KIF1B: variants seen among roughly 807,000 people sequenced by gnomAD.
The protein encoded by KIF1B is kinesin family member 1B, also known as kinesin-like protein KIF1B.
KIF1B carries 76 observed loss-of-function variants against 241.9 expected under a neutral mutation model. That is an observed-to-expected ratio of 0.31 (90% CI 0.26 to 0.38). The LOEUF is 0.38. Among genes scored for constraint, KIF1B ranks in the 10% least tolerant of loss-of-function variants. KIF1B has a pLI of 1.00. For missense variants in KIF1B, 1,622 were observed against 2,271.4 expected (o/e 0.71, Z 5.81); for synonymous variants, 750 against 796.7 (o/e 0.94, Z 0.99).
chr1:10,241,220 G>A (rs777601100), intron 2 of KIF1B, among the ~76,000 whole-genome samples: 45 of 151,992 alleles, frequency 3.0e-4, no homozygotes, highest in Middle Eastern at 3.4e-3. Flanking sequence ...CAAGTGATCC[G>A]CCTACCTCAC....
chr1:10,374,480 G>A lies in KIF1B; in HGVS notation c.5096+15G>A. The stretch of plus-strand genomic sequence containing the variant: ...ATTAGACCAAGGTGAGTACTATATT[G>A]AGCAGGAATGCCAGCTATAAAAAAC... On this transcript the variant is annotated intron_variant, in intron 46 of 48. Coordinates refer to ENST00000676179, the MANE Select transcript of KIF1B (RefSeq NM_001365951.3). The surrounding 1 kb of genome is among the most constrained non-coding windows in gnomAD (Gnocchi z 4.3). 1 of 1,613,920 alleles carries A rather than the reference G, an allele frequency of 6.2e-7. No individual in the cohort carries two copies. The highest frequency in any genetic ancestry group is 8.5e-7 in the Non-Finnish European group (1 of 1,179,844).
At chr1:10,373,995 A>G (rs919065758) in intron 45 of KIF1B, among the ~76,000 whole-genome samples, 1 of 152,226 alleles carries the variant, frequency 6.6e-6, no homozygotes, top group East Asian at 1.9e-4. Context: ...CCATGGGACT[A>G]AAAAGAAACA....
chr1:10,283,913 G>T (rs1040777597), intron 15 of KIF1B, among the ~76,000 whole-genome samples: 1 of 152,210 alleles, frequency 6.6e-6, no homozygotes, highest in Non-Finnish European at 1.5e-5. Flanking sequence ...AAGGCTTGCC[G>T]AAAAACTCTT....
rs955693879 is a variant in KIF1B at position 10,210,570 on chromosome 1, A to G, written c.-388A>G. ...AGTTTCGCGAGGGCCGAAGCGGGGC[A>G]GTGTGACGGCAGCGGTCCTGGGAGG... On this transcript the variant is annotated 5_prime_UTR_variant, in exon 1 of 49. Transcript: ENST00000676179. This position sits in a 1 kb window ranked among gnomAD's most constrained non-coding sequence, Gnocchi z 4.1. Among the ~76,000 whole-genome samples, 1 of 152,026 alleles carries G rather than the reference A, an allele frequency of 6.6e-6. No individual in the cohort carries two copies. Among genetic ancestry groups the G allele is most frequent in the Admixed American group, 6.5e-5 (1 of 15,268 alleles).
chr1:10,350,760 C>T (rs35527643), intron 37 of KIF1B, among the ~76,000 whole-genome samples: 2 of 152,098 alleles, frequency 1.3e-5, no homozygotes, highest in African/African-American at 4.8e-5. Flanking sequence ...CAAGGACCCT[C>T]TGAATTCTGT....
intron 32 of KIF1B, among the ~76,000 whole-genome samples, chr1:10,340,662 G>A (rs1212732557): frequency 6.6e-6 from 1 of 152,140 alleles, no homozygotes; most frequent in African/African-American, 2.4e-5. Flanking sequence ...TGGCCAACAT[G>A]GTGAAATCCC....
chr1:10,229,823 T>C (rs910110206), intron 1 of KIF1B, among the ~76,000 whole-genome samples: 10 of 129,604 alleles, frequency 7.7e-5, no homozygotes, highest in African/African-American at 2.8e-4. Context: ...ATCGCGCCAC[T>C]GCACTCCATC....
intron 2 of KIF1B, among the ~76,000 whole-genome samples, chr1:10,253,189 G>A (rs1307223258): frequency 6.6e-6 from 1 of 152,010 alleles, no homozygotes; most frequent in Non-Finnish European, 1.5e-5. Flanking sequence ...GGCTAAGAGT[G>A]TGAACTCTGG....
chr1:10,224,181 A>C, intron 1 of KIF1B, among the ~76,000 whole-genome samples: 1 of 151,806 alleles, frequency 6.6e-6, no homozygotes, highest in East Asian at 1.9e-4. Flanking sequence ...GTAGTGCGAT[A>C]TCCCAGCTCA....
chr1:10,345,733 G>T (rs1569867262), intron 34 of KIF1B, 112 bp from the exon 35 acceptor site: 2 of 775,534 alleles, frequency 2.6e-6, no homozygotes, highest in East Asian at 5.3e-5. Context: ...TCTTTCCTCT[G>T]ACTCTTGCTG....
At chr1:10,274,486 C>T (rs115415660) in intron 10 of KIF1B, among the ~76,000 whole-genome samples, 2,856 of 152,192 alleles carry the variant, frequency 0.019, 41 homozygotes, top group Non-Finnish European at 0.028. Context: ...ATATCTCTTT[C>T]TTAGACCTTT....
chr1:10,351,353 T>C (rs923695851), intron 37 of KIF1B, among the ~76,000 whole-genome samples: 5 of 152,182 alleles, frequency 3.3e-5, no homozygotes, highest in African/African-American at 1.2e-4. Context: ...TCCTATGATA[T>C]ATTTTTAGTT....
At chr1:10,269,358 T>TA (rs1243735989) in intron 7 of KIF1B, among the ~76,000 whole-genome samples, 1 of 147,320 alleles carries the variant, frequency 6.8e-6, no homozygotes, top group Non-Finnish European at 1.5e-5. Flanking sequence ...ACTAAAAATA[T>TA]AAAAAAATTG....
At chr1:10,309,081 G>A (rs1650959489) in intron 22 of KIF1B, among the ~76,000 whole-genome samples, 1 of 152,150 alleles carries the variant, frequency 6.6e-6, no homozygotes, top group African/African-American at 2.4e-5. Context: ...TGGTACACTA[G>A]AGAGGAAACA....
chr1:10,263,097 A>G (rs1034380158), intron 5 of KIF1B, among the ~76,000 whole-genome samples: 7 of 152,004 alleles, frequency 4.6e-5, no homozygotes, highest in African/African-American at 2.4e-5. Context: ...AGCGTGGCCA[A>G]CCTGGCAAAA....
chr1:10,304,111 A>G (rs1484548855), intron 22 of KIF1B: 3 of 1,614,076 alleles, frequency 1.9e-6, no homozygotes, highest in South Asian at 2.2e-5. Context: ...GAGTCCTGGG[A>G]CACATATCAT....
At chr1:10,226,446 C>T (rs1646909700) in intron 1 of KIF1B, among the ~76,000 whole-genome samples, 2 of 152,114 alleles carry the variant, frequency 1.3e-5, no homozygotes, top group Admixed American at 1.3e-4. Flanking sequence ...ATATCTAAAG[C>T]CCACCAAGGA....
At position 10,303,820 on chromosome 1, in the gene KIF1B, G is replaced by T. The variant is rs769741623; in HGVS notation, c.2115+6574G>T. ...AAGCCACAAAGCAAAGGAGCCTGTTGGTGCTGGTGTTAGTAGCACCTCTGA... is the reference window on the plus strand; with the variant it reads ...AAGCCACAAAGCAAAGGAGCCTGTTTGTGCTGGTGTTAGTAGCACCTCTGA... On this transcript the variant is annotated intron_variant, in intron 22 of 48. Coordinates refer to ENST00000676179, the MANE Select transcript of KIF1B (RefSeq NM_001365951.3). The surrounding 1 kb of genome is among the most constrained non-coding windows in gnomAD (Gnocchi z 5.2). 1 of 1,614,204 alleles carries T rather than the reference G, an allele frequency of 6.2e-7. No individual in the cohort carries two copies. The highest frequency in any genetic ancestry group is 1.3e-5 in the African/African-American group (1 of 75,054).
chr1:10,234,667 A>G (rs775424043), intron 2 of KIF1B, among the ~76,000 whole-genome samples: 1 of 151,824 alleles, frequency 6.6e-6, no homozygotes, highest in Admixed American at 6.6e-5. Flanking sequence ...GGCTACAGGC[A>G]TGTGCCACTA....
Sources: gnomAD v4.1 joint callset for allele counts (sites outside exome capture counted in the v4.1 genomes callset) on GRCh38, gnomAD v4.1.1 for gene constraint, Gnocchi (gnomAD v3.1) non-coding constraint, MANE v1.5 for transcripts, NCBI Gene and HGNC (gene_info 2026-07-23, HGNC 2026-07-21) for gene names.